The following SMAP2 variants were observed in gnomAD, a reference collection of about 807,000 sequenced individuals.
SMAP2 encodes stromal membrane-associated protein 2.
SMAP2 carries 25 observed loss-of-function variants against 56.4 expected under a neutral mutation model. That is an observed-to-expected ratio of 0.44 (90% CI 0.32 to 0.62). The LOEUF is 0.62. SMAP2 is among the 20% of genes least tolerant of loss of function. The probability of loss-of-function intolerance (pLI) is 0.04; values close to 1 mark genes in which losing one functional copy is unlikely to be tolerated. For synonymous variants in SMAP2, 157 were observed against 181.7 expected (o/e 0.86, Z 1.09); for missense variants, 388 against 545.6 (o/e 0.71, Z 2.88).
chr1:40,356,819 A>G (rs953729117), intron 1 of SMAP2, among the ~76,000 whole-genome samples: 1 of 151,960 alleles, frequency 6.6e-6, no homozygotes, highest in Non-Finnish European at 1.5e-5. Context: ...CATCCTCTCT[A>G]GTGTTCGTTA....
At chr1:40,404,218 T>C (rs1644863785) in intron 1 of SMAP2, among the ~76,000 whole-genome samples, 2 of 152,252 alleles carry the variant, frequency 1.3e-5, no homozygotes, top group Non-Finnish European at 2.9e-5. Flanking sequence ...ATGGAACATG[T>C]AGTTATTCAC....
chr1:40,417,057 G>T lies in SMAP2; in HGVS notation c.1125G>T (p.Gly375=). Residue 375 remains glycine (G), a synonymous_variant, in exon 9 of 10, where the codon GGG becomes GGT. Transcript: ENST00000372718. ...CAGCTATGCCCCAGACTGTGTATGG[G>T]GTCCAGCCAGCTCAGCAGCTGCAAT... ...GMAAMPQTVY[G]VQPAQQLQWN... 1 of 1,607,934 alleles carries T rather than the reference G, an allele frequency of 6.2e-7. No individual in the cohort carries two copies. Among genetic ancestry groups the T allele is most frequent in the Non-Finnish European group, 8.5e-7 (1 of 1,174,912 alleles).
intron 1 of SMAP2, among the ~76,000 whole-genome samples, chr1:40,348,811 C>T (rs547848253): frequency 5.3e-5 from 8 of 152,240 alleles, no homozygotes; most frequent in Admixed American, 4.6e-4. Flanking sequence ...TCCTCTGTCG[C>T]CTAGGCTGGA....
Position 40,374,600 on chromosome 1 carries a change from T to TGCGTGCGTGC in SMAP2, c.103+378_103+379insCGTGCGTGCG. 1.7e-6 allele frequency: 1 copy of TGCGTGCGTGC among 591,168 alleles called. No individual in the cohort carries two copies. Among genetic ancestry groups the TGCGTGCGTGC allele is most frequent in the Non-Finnish European group, 2.4e-6 (1 of 425,090 alleles). The allele number at this position is 591,168 out of a possible 1,614,324, so 36.6% of individuals were successfully genotyped here. A position where few individuals can be genotyped will look rare whatever the true frequency, so the allele number is the denominator to read the frequency against. ...CATTGCGTGCGTGCGTGCGTGCGTG[T>TGCGTGCGTGC]GTGTGTGTGTGTGTGTGTGTGTGTG... On this transcript the variant is annotated intron_variant, in intron 1 of 9. Coordinates refer to ENST00000372718, the MANE Select transcript of SMAP2 (RefSeq NM_022733.3). The surrounding 1 kb of genome is among the most constrained non-coding windows in gnomAD (Gnocchi z 5.9).
chr1:40,386,536 C>T lies in SMAP2; in HGVS notation c.103+12313C>T, dbSNP rs1046918422. On this transcript the variant is annotated intron_variant, in intron 1 of 9. Coordinates refer to ENST00000372718, the MANE Select transcript of SMAP2 (RefSeq NM_022733.3). This position sits in a 1 kb window ranked among gnomAD's most constrained non-coding sequence, Gnocchi z 4.1. Reference sequence around the variant, plus strand: ...CTGAGCCTAGTCTCGACAGAAGTAGCCTGACACAAGTGGCTCAGATCAAGG... The same window carrying T: ...CTGAGCCTAGTCTCGACAGAAGTAGTCTGACACAAGTGGCTCAGATCAAGG... 6.6e-6 allele frequency among the ~76,000 whole-genome samples: 1 copy of T among 152,164 alleles called. No homozygotes were observed. The highest frequency in any genetic ancestry group is 1.5e-5 in the Non-Finnish European group (1 of 68,026).
intron 1 of SMAP2, among the ~76,000 whole-genome samples, chr1:40,379,444 GCA>G (rs1260072857): frequency 1.3e-5 from 2 of 151,988 alleles, no homozygotes; most frequent in African/African-American, 2.4e-5. Flanking sequence ...CACTTTCCAT[GCA>G]CATTGAGGAG....
At chr1:40,349,762 G>A (rs1354638220) in intron 1 of SMAP2, among the ~76,000 whole-genome samples, 1 of 152,060 alleles carries the variant, frequency 6.6e-6, no homozygotes, top group Admixed American at 6.6e-5. Context: ...CTTGTGATCT[G>A]CCTGCCTCGG....
At position 40,422,363 on chromosome 1, in the gene SMAP2, CA is replaced by C; in HGVS notation, c.*263del. On this transcript the variant is annotated 3_prime_UTR_variant, in exon 10 of 10. Transcript: ENST00000372718. ...GCACCAGCACCTTAGAAGTTGTTGG[CA>C]GAAGGCACTTAAACTGTGGGAGAAG... 2.3e-6 allele frequency: 1 copy of C among 426,724 alleles called. No homozygotes were observed. The highest frequency in any genetic ancestry group is 4.4e-6 in the Non-Finnish European group (1 of 228,036). The allele number at this position is 426,724 out of a possible 1,614,324, so 26.4% of individuals were successfully genotyped here. A position where few individuals can be genotyped will look rare whatever the true frequency, so the allele number is the denominator to read the frequency against.
chr1:40,392,163 A>C (rs1487214893), intron 1 of SMAP2, among the ~76,000 whole-genome samples: 2 of 152,164 alleles, frequency 1.3e-5, no homozygotes, highest in Non-Finnish European at 2.9e-5. Context: ...TTGCTATAAA[A>C]TATCAGTTTA....
At chr1:40,402,277 C>A (rs2124321686) in intron 1 of SMAP2, among the ~76,000 whole-genome samples, 1 of 152,190 alleles carries the variant, frequency 6.6e-6, no homozygotes, top group Non-Finnish European at 1.5e-5. Context: ...TGTGTAATAA[C>A]CAAATCATGA....
chr1:40,417,621 A>G (rs1461571067), intron 9 of SMAP2, among the ~76,000 whole-genome samples: 2 of 152,190 alleles, frequency 1.3e-5, no homozygotes, highest in Non-Finnish European at 2.9e-5. Context: ...GAGATGTGGT[A>G]GATTAGAACT....
At chr1:40,384,033 A>C (rs2124241322) in intron 1 of SMAP2, among the ~76,000 whole-genome samples, 1 of 152,076 alleles carries the variant, frequency 6.6e-6, no homozygotes, top group African/African-American at 2.4e-5. Flanking sequence ...AGTAGCTGGG[A>C]TTATAGGTGT....
chr1:40,345,868 A>ATATTG (rs1400637464), intron 1 of SMAP2, among the ~76,000 whole-genome samples: 20 of 113,298 alleles, frequency 1.8e-4, no homozygotes, highest in African/African-American at 6.7e-4. Context: ...ATATTATATT[A>ATATTG]TATTGTATTA....
chr1:40,406,670 A>G, intron 1 of SMAP2, 66 bp from the exon 2 acceptor site: 1 of 1,503,656 alleles, frequency 6.7e-7, no homozygotes. Flanking sequence ...CTGATAATCT[A>G]ATATTGTAGT....
rs572349368 is a variant in SMAP2 at position 40,422,326 on chromosome 1, A to T, written c.*225A>T. The T allele has an allele frequency of 3.9e-6, 2 of 517,384 alleles. No individual in the cohort carries two copies. Among genetic ancestry groups the T allele is most frequent in the African/African-American group, 1.9e-5 (1 of 51,792 alleles). 32.0% of individuals were successfully genotyped at this position (517,384 alleles called of 1,614,324 possible). ...CCATAGCCATCCCAACGTCCTCCCC[A>T]GTCCTCTCCTGGCACCAGCACCTTA... On this transcript the variant is annotated 3_prime_UTR_variant, in exon 10 of 10. Coordinates refer to ENST00000372718, the MANE Select transcript of SMAP2 (RefSeq NM_022733.3).
intron 1 of SMAP2, among the ~76,000 whole-genome samples, chr1:40,358,570 A>C (rs1644446865): frequency 6.6e-6 from 1 of 152,000 alleles, no homozygotes. Flanking sequence ...AAAAACACAC[A>C]CAAAGTGCTG....
chr1:40,371,577 A>G (rs1644496372), upstream of SMAP2, among the ~76,000 whole-genome samples: 1 of 152,212 alleles, frequency 6.6e-6, no homozygotes, highest in Admixed American at 6.5e-5. Context: ...TTCAGCATCA[A>G]TAGTTGCCAT....
intron 1 of SMAP2, among the ~76,000 whole-genome samples, chr1:40,345,411 C>T (rs746232486): frequency 4.6e-5 from 7 of 151,686 alleles, no homozygotes; most frequent in Non-Finnish European, 8.8e-5. Flanking sequence ...AAGTAAACAG[C>T]ATCTATGCTT....
intron 1 of SMAP2, among the ~76,000 whole-genome samples, chr1:40,384,214 T>G (rs1644631415): frequency 6.6e-6 from 1 of 152,134 alleles, no homozygotes; most frequent in African/African-American, 2.4e-5. Context: ...CAGCTCAGTG[T>G]TTTCTTTACA....
Sources: allele counts gnomAD v4.1 joint callset (sites outside exome capture counted in the v4.1 genomes callset), GRCh38; gene constraint gnomAD v4.1.1; non-coding constraint Gnocchi (gnomAD v3.1); transcripts MANE v1.5; gene names NCBI Gene and HGNC (gene_info 2026-07-23, HGNC 2026-07-21).